The following PIH1D2 variants were observed in gnomAD, a reference collection of about 807,000 sequenced individuals.
PIH1D2 encodes the protein PIH1 domain containing 2.
PIH1D2 carries 25 observed loss-of-function variants against 31.2 expected under a neutral mutation model. The ratio of observed to expected loss-of-function variants is 0.80; its 90% CI spans 0.58 to 1.12. The LOEUF (loss-of-function observed/expected upper bound fraction) is 1.12, where lower values mean the gene tolerates loss of function less well. PIH1D2 is among the 50% of genes most tolerant of loss of function. The pLI, the probability that PIH1D2 is intolerant of heterozygous loss-of-function variation, is 0.00. For synonymous variants in PIH1D2, 116 were observed against 119.9 expected, an observed-to-expected ratio of 0.97 and a Z score of 0.21; for missense variants, 310 against 356.6, an observed-to-expected ratio of 0.87 and a Z score of 1.05.
downstream of PIH1D2, among the ~76,000 whole-genome samples, chr11:112,066,655 T>A (rs117935865): frequency 7.1e-3 from 1,034 of 146,390 alleles, 5 homozygotes; most frequent in Middle Eastern, 0.056. Flanking sequence ...AAAAAAGATA[T>A]ATTTTGTTTG....
chr11:112,066,030 A>G (rs1012235051), downstream of PIH1D2, among the ~76,000 whole-genome samples: 1 of 152,232 alleles, frequency 6.6e-6, no homozygotes, highest in East Asian at 1.9e-4. Context: ...TTTAAATGTC[A>G]TGTATCAGTT....
chr11:112,068,999 T>G (rs11214072), intron 5 of PIH1D2, among the ~76,000 whole-genome samples: 35,521 of 123,478 alleles, frequency 0.29, 3,871 homozygotes, highest in East Asian at 0.51. Context: ...TTTTTTTTTG[T>G]TTTTTTTTTT....
chr11:112,071,868 G>A (rs1398646115), intron 2 of PIH1D2, 110 bp from the exon 3 acceptor site: 12 of 1,160,490 alleles, frequency 1.0e-5, no homozygotes, highest in South Asian at 3.0e-5. Flanking sequence ...CAAGGCGGCC[G>A]GATCACCTGA....
chr11:112,055,692 T>C, the PIH1D2 span, among the ~76,000 whole-genome samples: 1 of 152,032 alleles, frequency 6.6e-6, no homozygotes, highest in East Asian at 1.9e-4. Context: ...GCATTCCTTT[T>C]CCGTGCTATG....
At chr11:112,058,171 T>C in the PIH1D2 span, among the ~76,000 whole-genome samples, 1 of 152,222 alleles carries the variant, frequency 6.6e-6, no homozygotes, top group Non-Finnish European at 1.5e-5. Flanking sequence ...TTATTTAACA[T>C]GTACTGTTTA....
In PIH1D2 at chr11:112,073,961, T is replaced by C. The variant is rs1251470996; in HGVS notation, c.-32+19A>G. The C allele has an allele frequency of 6.2e-6, 1 of 161,018 alleles. No individual in the cohort carries two copies. Among genetic ancestry groups the C allele is most frequent in the Non-Finnish European group, 1.3e-5 (1 of 74,166 alleles). 10.0% of individuals were successfully genotyped at this position (161,018 alleles called of 1,614,324 possible). On this transcript the variant is annotated intron_variant, in intron 1 of 5. Coordinates refer to ENST00000280350, the MANE Select transcript of PIH1D2 (RefSeq NM_138789.4). ...TCTCAGTTCTAACGGGTAATCATTC[T>C]ATAGGTTGGCAAACCCACCTCTTCT...
At position 112,068,140 on chromosome 11, in the gene PIH1D2, C is replaced by T. The variant is rs1555184091; in HGVS notation, c.814-135G>A. 6.6e-6 allele frequency: 4 copies of T among 604,012 alleles called. No individual in the cohort carries two copies. The South Asian group carries it at 8.1e-5, about 12-fold the overall frequency. The allele number at this position is 604,012 out of a possible 1,614,324, so 37.4% of individuals were successfully genotyped here. A position where few individuals can be genotyped will look rare whatever the true frequency, so the allele number is the denominator to read the frequency against. On this transcript the variant is annotated intron_variant, in intron 5 of 5. Coordinates refer to ENST00000280350, the MANE Select transcript of PIH1D2 (RefSeq NM_138789.4). ...GTGACTTGGAATGAGCAAAAAATTA[C>T]TGTTGTAAATCCCTTAGATTTTAAG... is the stretch of plus-strand genomic sequence containing the variant.
the PIH1D2 span, among the ~76,000 whole-genome samples, chr11:112,055,384 C>T: frequency 6.6e-6 from 1 of 151,822 alleles, no homozygotes; most frequent in Admixed American, 6.6e-5. Flanking sequence ...GCTGGGACTA[C>T]AGGTGTGCAC....
At position 112,071,165 on chromosome 11, in the gene PIH1D2, G is replaced by T. The variant is rs782492751; in HGVS notation, c.420C>A (p.Phe140Leu). ...QMAMKCIEEK[F>L]QFTLSHSYHI... ...GGTAAGAGTGTGAGAGGGTGAACTG[G>T]AATTTCTCCTCAATGCATTTCATGG... is the stretch of plus-strand genomic sequence containing the variant. The change falls in exon 4 of 6, where the codon TTC becomes TTA. Residue 140 changes from phenylalanine to leucine, a missense_variant. Coordinates refer to ENST00000280350, the MANE Select transcript of PIH1D2 (RefSeq NM_138789.4). The T allele has an allele frequency of 6.2e-6, 10 of 1,613,714 alleles. No individual in the cohort carries two copies. The highest frequency in any genetic ancestry group is 8.5e-6 in the Non-Finnish European group (10 of 1,179,842).
chr11:112,073,303 A>G, intron 1 of PIH1D2, 98 bp from the exon 2 acceptor site: 1 of 786,792 alleles, frequency 1.3e-6, no homozygotes, highest in South Asian at 2.2e-5. Context: ...TGTTTTGGTG[A>G]AGTTAGGACA....
At chr11:112,067,685 A>AAAAAAAATATATATAT, downstream of PIH1D2, 2 of 17,804 alleles carry the variant, frequency 1.1e-4, no homozygotes, top group African/African-American at 1.7e-4. Flanking sequence ...AAAAAAAAAA[A>AAAAAAAATATATATAT]ATATATATAT....
chr11:112,055,300 G>A, the PIH1D2 span, among the ~76,000 whole-genome samples: 1 of 135,118 alleles, frequency 7.4e-6, no homozygotes, highest in Non-Finnish European at 1.5e-5. Context: ...CTGGAGTGCA[G>A]TGGCGCAATC....
downstream of PIH1D2, among the ~76,000 whole-genome samples, chr11:112,067,643 CAA>C (rs587713633): frequency 0.011 from 817 of 74,028 alleles, 10 homozygotes; most frequent in African/African-American, 0.041. Context: ...GCCTGGGCAA[CAA>C]GAGCGAAACT....
chr11:112,066,866 C>A (rs1241620131), downstream of PIH1D2, among the ~76,000 whole-genome samples: 1 of 152,076 alleles, frequency 6.6e-6, no homozygotes, highest in Admixed American at 6.5e-5. Flanking sequence ...AGTTCAAGAC[C>A]AGCCTGGCCA....
intron 5 of PIH1D2, among the ~76,000 whole-genome samples, chr11:112,068,496 G>C (rs1865004922): frequency 6.6e-6 from 1 of 152,114 alleles, no homozygotes; most frequent in South Asian, 2.1e-4. Flanking sequence ...AATTAAAAGG[G>C]AATTGGCTGA....
downstream of PIH1D2, among the ~76,000 whole-genome samples, chr11:112,059,173 A>C (rs1489746290): frequency 2.0e-5 from 3 of 151,734 alleles, no homozygotes; most frequent in African/African-American, 7.3e-5. Flanking sequence ...TCTTCCTTTC[A>C]TCTGCTCAAA....
downstream of PIH1D2, chr11:112,061,318 T>C (rs374728946): frequency 4.4e-5 from 36 of 823,744 alleles, no homozygotes; most frequent in African/African-American, 5.4e-4. Context: ...TGATATGATG[T>C]AATATTTGCA....
At chr11:112,071,570 C>A (rs782233266) in intron 3 of PIH1D2, 65 bp downstream of exon 3, 1 of 1,533,586 alleles carries the variant, frequency 6.5e-7, no homozygotes, top group Non-Finnish European at 8.9e-7. Context: ...ATGCTCTCAA[C>A]CAAGTAAGAT....
downstream of PIH1D2, chr11:112,061,006 CTATAATT>C (rs1166657385): frequency 2.0e-6 from 3 of 1,531,566 alleles, no homozygotes; most frequent in African/African-American, 1.4e-5. Context: ...TGTTGACAAA[CTATAATT>C]TATTTTTAAT....
Sources: allele counts gnomAD v4.1 joint callset (sites outside exome capture counted in the v4.1 genomes callset), GRCh38; gene constraint gnomAD v4.1.1; transcripts MANE v1.5; gene names NCBI Gene and HGNC (gene_info 2026-07-23, HGNC 2026-07-21).